The following DPY19L2 variants were observed in gnomAD, a reference collection of about 807,000 sequenced individuals.
DPY19L2 encodes the protein probable C-mannosyltransferase DPY19L2.
Under a neutral mutation model 97.9 loss-of-function variants are expected in DPY19L2, and 34 were observed. The ratio of observed to expected loss-of-function variants is 0.35; its 90% CI spans 0.26 to 0.46. The LOEUF is 0.46. DPY19L2 is among the 20% of genes least tolerant of loss of function. The pLI is 1.00. For synonymous variants in DPY19L2, 230 were observed against 307.9 expected (o/e 0.75, Z 2.65); for missense variants, 623 against 911.4 (o/e 0.68, Z 4.07).
intron 21 of DPY19L2, among the ~76,000 whole-genome samples, chr12:63,562,452 T>A (rs187859372): frequency 0.029 from 4,488 of 152,284 alleles, 99 homozygotes; most frequent in Middle Eastern, 0.082. Flanking sequence ...TGTTTCCAGT[T>A]TGGGGCTAAT....
intron 11 of DPY19L2, among the ~76,000 whole-genome samples, chr12:63,615,833 T>C (rs1592581609): frequency 6.6e-6 from 1 of 152,074 alleles, no homozygotes; most frequent in Non-Finnish European, 1.5e-5. Flanking sequence ...ATAATGGTAG[T>C]TTAAGAATGT....
intron 6 of DPY19L2, among the ~76,000 whole-genome samples, chr12:63,637,030 T>G (rs1565816867): frequency 1.3e-5 from 2 of 152,082 alleles, no homozygotes; most frequent in Non-Finnish European, 2.9e-5. Flanking sequence ...ACCACATAGT[T>G]GAAAGTAAAG....
At chr12:63,592,637 T>C (rs564017491) in intron 16 of DPY19L2, among the ~76,000 whole-genome samples, 5 of 147,558 alleles carry the variant, frequency 3.4e-5, no homozygotes, top group African/African-American at 1.2e-4. Flanking sequence ...CAAAAATTAA[T>C]TCAAGATGGA....
intron 6 of DPY19L2, among the ~76,000 whole-genome samples, chr12:63,642,728 T>C (rs574066374): frequency 2.0e-4 from 30 of 151,994 alleles, no homozygotes; most frequent in Admixed American, 1.9e-3. Context: ...CAACAATTGA[T>C]AGTGCAAATC....
Position 63,583,889 on chromosome 12 carries a change from A to T in DPY19L2, c.1581-53T>A, listed in dbSNP as rs532704780. ...TTACTGAAGGTCTTTTATACTATGA[A>T]TACATAAAAATAAGCTTCATTTGCT... On this transcript the variant is annotated intron_variant, in intron 16 of 21. Transcript: ENST00000324472. 7 of 1,456,452 alleles carry T rather than the reference A, an allele frequency of 4.8e-6. No homozygotes were observed. In the African/African-American group the frequency reaches 9.9e-5, roughly 21 times the overall value. 90.2% of individuals were successfully genotyped at this position (1,456,452 alleles called of 1,614,324 possible). A position where few individuals can be genotyped will look rare whatever the true frequency, so the allele number is the denominator to read the frequency against.
At chr12:63,592,758 G>A (rs1184334851) in intron 16 of DPY19L2, among the ~76,000 whole-genome samples, 1 of 151,370 alleles carries the variant, frequency 6.6e-6, no homozygotes, top group East Asian at 2.0e-4. Context: ...AACACCAAAA[G>A]CAATGGCAAC....
intron 16 of DPY19L2, chr12:63,590,988 T>G (rs1321798114): frequency 1.3e-5 from 6 of 448,460 alleles, no homozygotes; most frequent in Non-Finnish European, 2.3e-5. Flanking sequence ...ATGAAGACAG[T>G]TGCCACATAC....
intron 6 of DPY19L2, among the ~76,000 whole-genome samples, chr12:63,640,238 T>C (rs1490583634): frequency 1.3e-5 from 2 of 152,114 alleles, no homozygotes; most frequent in Non-Finnish European, 2.9e-5. Flanking sequence ...CATTAGGAGA[T>C]ATACCTAATG....
chr12:63,604,536 T>G (rs1885722607), intron 12 of DPY19L2, among the ~76,000 whole-genome samples: 1 of 152,148 alleles, frequency 6.6e-6, no homozygotes. Context: ...TCCTTTTTCC[T>G]GTGATTTTCT....
chr12:63,570,731 T>G, intron 20 of DPY19L2, 27 bp downstream of exon 20: 1 of 1,604,642 alleles, frequency 6.2e-7, no homozygotes, highest in Non-Finnish European at 8.5e-7. Flanking sequence ...CAAGTGAGTC[T>G]TGAAGAAATA....
chr12:63,639,564 A>G (rs1022311610), intron 6 of DPY19L2, among the ~76,000 whole-genome samples: 1 of 152,230 alleles, frequency 6.6e-6, no homozygotes, highest in African/African-American at 2.4e-5. Context: ...ACTTCTCAAA[A>G]GAAGACATTT....
At position 63,559,518 on chromosome 12, in the gene DPY19L2, T is replaced by C. The variant is rs1381043571; in HGVS notation, c.*994A>G. 2 of 152,602 alleles carry C rather than the reference T, an allele frequency of 1.3e-5. No homozygotes were observed. The highest frequency in any genetic ancestry group is 6.5e-5 in the Admixed American group (1 of 15,280). The allele number at this position is 152,602 out of a possible 1,614,324, so 9.5% of individuals were successfully genotyped here. ...CAAAGCACTATTGTTGGGTAGGTTT[T>C]ATTAGGGGAGAGGACTTAGAAAACA... On this transcript the variant is annotated 3_prime_UTR_variant, in exon 22 of 22. Coordinates refer to ENST00000324472, the MANE Select transcript of DPY19L2 (RefSeq NM_173812.5).
At chr12:63,581,205 A>G (rs2137364594) in intron 18 of DPY19L2, among the ~76,000 whole-genome samples, 1 of 152,276 alleles carries the variant, frequency 6.6e-6, no homozygotes, top group East Asian at 1.9e-4. Flanking sequence ...CCCTATTAGC[A>G]TGATATATAT....
At chr12:63,573,306 T>C (rs1050615060) in intron 19 of DPY19L2, among the ~76,000 whole-genome samples, 4 of 151,956 alleles carry the variant, frequency 2.6e-5, no homozygotes, top group Non-Finnish European at 5.9e-5. Flanking sequence ...GCAACTGACA[T>C]ACTGAAGAAT....
At chr12:63,594,001 G>T in intron 16 of DPY19L2, 86 bp downstream of exon 16, 1 of 873,760 alleles carries the variant, frequency 1.1e-6, no homozygotes, top group Non-Finnish European at 1.7e-6. Flanking sequence ...AAAGTTTAAT[G>T]CATATTCATT....
At chr12:63,631,531 G>A (rs1214634107) in intron 6 of DPY19L2, among the ~76,000 whole-genome samples, 1 of 152,044 alleles carries the variant, frequency 6.6e-6, no homozygotes, top group Admixed American at 6.6e-5. Flanking sequence ...TTGAATCTCT[G>A]AATAGACCAA....
At chr12:63,601,537 GTT>G (rs1885192054) in intron 12 of DPY19L2, among the ~76,000 whole-genome samples, 1 of 152,116 alleles carries the variant, frequency 6.6e-6, no homozygotes, top group South Asian at 2.1e-4. Flanking sequence ...AATCTATAGA[GTT>G]ATACCTCAAG....
intron 13 of DPY19L2, among the ~76,000 whole-genome samples, chr12:63,599,234 G>A (rs1592511514): frequency 6.7e-6 from 1 of 150,030 alleles, no homozygotes; most frequent in Middle Eastern, 3.5e-3. Context: ...TCAATGTGAA[G>A]TAAGGCAAGA....
chr12:63,566,297 T>C (rs930679794), intron 21 of DPY19L2, among the ~76,000 whole-genome samples: 1 of 152,154 alleles, frequency 6.6e-6, no homozygotes, highest in African/African-American at 2.4e-5. Flanking sequence ...CAAGTAGCTC[T>C]TGTACAGTCT....
Sources: gnomAD v4.1 joint callset for allele counts (sites outside exome capture counted in the v4.1 genomes callset) on GRCh38, gnomAD v4.1.1 for gene constraint, MANE v1.5 for transcripts, NCBI Gene and HGNC (gene_info 2026-07-23, HGNC 2026-07-21) for gene names.